Variants in PRKCQ observed in about 807,000 individuals in gnomAD.
The protein encoded by PRKCQ is protein kinase C theta type.
PRKCQ carries 41 observed loss-of-function variants against 91.2 expected under a neutral mutation model. That is an observed-to-expected ratio of 0.45 (90% CI 0.35 to 0.58). The LOEUF (loss-of-function observed/expected upper bound fraction) is 0.58. PRKCQ is among the 20% of genes least tolerant of loss of function. The pLI, the probability that PRKCQ is intolerant of heterozygous loss-of-function variation, is 0.00. For synonymous variants in PRKCQ, 307 were observed against 316.9 expected (o/e 0.97, Z 0.33); for missense variants, 673 against 896.5 (o/e 0.75, Z 3.18).
intron 16 of PRKCQ, among the ~76,000 whole-genome samples, chr10:6,440,522 C>G (rs1257159807): frequency 1.3e-5 from 2 of 152,200 alleles, no homozygotes; most frequent in Non-Finnish European, 2.9e-5. Flanking sequence ...TCTTTCCTCT[C>G]TCAGCTTCTA....
intron 1 of PRKCQ, among the ~76,000 whole-genome samples, chr10:6,531,659 C>G (rs1839400722): frequency 1.3e-5 from 2 of 152,092 alleles, no homozygotes; most frequent in Admixed American, 1.3e-4. Context: ...GTCTCTCTCT[C>G]TTTCCCATAT....
intron 7 of PRKCQ, among the ~76,000 whole-genome samples, chr10:6,493,904 C>G (rs1588759883): frequency 6.6e-6 from 1 of 152,212 alleles, no homozygotes; most frequent in South Asian, 2.1e-4. Flanking sequence ...AAAAACCCAG[C>G]CACTTCGCCT....
At chr10:6,421,359 T>A in the PRKCQ span, among the ~76,000 whole-genome samples, 1 of 152,078 alleles carries the variant, frequency 6.6e-6, no homozygotes, top group Non-Finnish European at 1.5e-5. The surrounding 1 kb of genome is among the most constrained non-coding windows in gnomAD (Gnocchi z 4.1). Context: ...GTGGTGCACA[T>A]CTGTGGTCCC....
At chr10:6,523,980 G>A (rs895064088) in intron 1 of PRKCQ, among the ~76,000 whole-genome samples, 4 of 152,126 alleles carry the variant, frequency 2.6e-5, no homozygotes, top group Non-Finnish European at 4.4e-5. Context: ...CACACAGCAC[G>A]ACTCTCAGCG....
intron 12 of PRKCQ, among the ~76,000 whole-genome samples, chr10:6,468,514 G>T (rs1292782610): frequency 6.6e-6 from 1 of 152,162 alleles, no homozygotes; most frequent in East Asian, 1.9e-4. Context: ...ACTAATAACA[G>T]TTAATTTTGT....
the PRKCQ span, among the ~76,000 whole-genome samples, chr10:6,394,703 G>A: frequency 4.9e-5 from 7 of 142,690 alleles, no homozygotes; most frequent in African/African-American, 2.0e-4. Flanking sequence ...CTGAGAAAAG[G>A]GCAAGTTACA....
the PRKCQ span, among the ~76,000 whole-genome samples, chr10:6,401,076 G>T: frequency 6.6e-6 from 1 of 152,174 alleles, no homozygotes; most frequent in African/African-American, 2.4e-5. Flanking sequence ...AAACGATTAG[G>T]AATGACCGAG....
chr10:6,484,595 T>C (rs1368704529), intron 10 of PRKCQ, among the ~76,000 whole-genome samples: 1 of 152,208 alleles, frequency 6.6e-6, no homozygotes, highest in Non-Finnish European at 1.5e-5. Flanking sequence ...CAATAGTCTC[T>C]ATATTTTTAA....
intron 1 of PRKCQ, among the ~76,000 whole-genome samples, chr10:6,548,738 T>TGGGGGGA (rs1181569573): frequency 0.095 from 6,136 of 64,274 alleles, 318 homozygotes; most frequent in Middle Eastern, 0.34. Context: ...TGTTGTGGGG[T>TGGGGGGA]GGGGGGAGGG....
intron 15 of PRKCQ, among the ~76,000 whole-genome samples, chr10:6,455,381 C>T (rs1219854197): frequency 1.3e-5 from 2 of 152,212 alleles, no homozygotes; most frequent in East Asian, 1.9e-4. Flanking sequence ...AGCTAAAAGA[C>T]ATCATTCCTC....
At chr10:6,488,975 G>T (rs1197301062) in intron 8 of PRKCQ, among the ~76,000 whole-genome samples, 1 of 152,028 alleles carries the variant, frequency 6.6e-6, no homozygotes, top group Admixed American at 6.5e-5. Context: ...AGAGATGGGG[G>T]TCTCACTTTG....
chr10:6,580,429 AGGGAC>A (rs991692881), upstream of PRKCQ: 7 of 152,002 alleles, frequency 4.6e-5, no homozygotes, highest in Middle Eastern at 3.2e-3. Context: ...ACCTCTAGCC[AGGGAC>A]GCGCGCTCGG....
At chr10:6,418,686 C>T in the PRKCQ span, among the ~76,000 whole-genome samples, 116 of 152,272 alleles carry the variant, frequency 7.6e-4, no homozygotes, top group Admixed American at 1.8e-3. Flanking sequence ...AGCTCAAAAA[C>T]CCTCTAAATG....
chr10:6,562,752 T>C (rs1255043470), intron 1 of PRKCQ, among the ~76,000 whole-genome samples: 4 of 152,182 alleles, frequency 2.6e-5, no homozygotes, highest in South Asian at 2.1e-4. Context: ...TTCTGCTGTA[T>C]GGTAGCTCTG....
chr10:6,394,912 G>T, the PRKCQ span, among the ~76,000 whole-genome samples: 1 of 152,138 alleles, frequency 6.6e-6, no homozygotes. Flanking sequence ...CCTTGTGCCG[G>T]AACGGTGCGA....
chr10:6,464,644 C>T (rs1335610395), intron 12 of PRKCQ, among the ~76,000 whole-genome samples: 1 of 152,122 alleles, frequency 6.6e-6, no homozygotes, highest in Non-Finnish European at 1.5e-5. Context: ...GATGGGGTTT[C>T]GCCATGTTAG....
the PRKCQ span, among the ~76,000 whole-genome samples, chr10:6,415,409 T>TAC: frequency 4.3e-4 from 1 of 2,304 alleles, no homozygotes; most frequent in Non-Finnish European, 1.3e-3. Flanking sequence ...AAAATACATA[T>TAC]ATATATATAT....
At chr10:6,438,183 G>A (rs1833794426) in intron 16 of PRKCQ, among the ~76,000 whole-genome samples, 1 of 152,210 alleles carries the variant, frequency 6.6e-6, no homozygotes, top group East Asian at 1.9e-4. Context: ...GATCCTGTGA[G>A]GGCTTTGTCA....
chr10:6,491,025 G>C (rs906440927), intron 8 of PRKCQ, among the ~76,000 whole-genome samples: 1 of 152,112 alleles, frequency 6.6e-6, no homozygotes, highest in Non-Finnish European at 1.5e-5. Flanking sequence ...GTAGGTCTGA[G>C]AAACTCCATC....
Sources: gnomAD v4.1 joint callset for allele counts (sites outside exome capture counted in the v4.1 genomes callset) on GRCh38, gnomAD v4.1.1 for gene constraint, Gnocchi (gnomAD v3.1) non-coding constraint, MANE v1.5 for transcripts, NCBI Gene and HGNC (gene_info 2026-07-23, HGNC 2026-07-21) for gene names.